The following MGST1 variants were observed in gnomAD, a reference collection of about 807,000 sequenced individuals.
MGST1 encodes the protein microsomal glutathione S-transferase 1.
Under a neutral mutation model 8.9 loss-of-function variants are expected in MGST1, and 5 were observed. The observed-to-expected ratio is 0.56, with a 90% CI of 0.29 to 1.19. The LOEUF (loss-of-function observed/expected upper bound fraction) is 1.19, where lower values mean the gene tolerates loss of function less well. Ranked by LOEUF, MGST1 falls within the 50% of genes most tolerant of loss-of-function variation. MGST1 has a pLI of 0.08. For synonymous variants in MGST1, 54 were observed against 67.8 expected, an observed-to-expected ratio of 0.80 and a Z score of 1.00; for missense variants, 182 against 187.4, an observed-to-expected ratio of 0.97 and a Z score of 0.17.
chr12:16,493,024 A>T (rs1352884673), intron 4 of MGST1, among the ~76,000 whole-genome samples: 1 of 152,182 alleles, frequency 6.6e-6, no homozygotes, highest in Admixed American at 6.5e-5. Context: ...CGAGGAATGC[A>T]CATGTGAGTA....
intron 4 of MGST1, among the ~76,000 whole-genome samples, chr12:16,451,107 C>T (rs1348964049): frequency 2.0e-5 from 3 of 151,884 alleles, no homozygotes; most frequent in Non-Finnish European, 4.4e-5. Flanking sequence ...GTATAAGTAT[C>T]ATTTCAGTTT....
intron 4 of MGST1, among the ~76,000 whole-genome samples, chr12:16,502,294 G>A (rs1740951074): frequency 6.6e-6 from 1 of 152,136 alleles, no homozygotes. Context: ...GGCTGACCTG[G>A]ATCCAAACTA....
At chr12:16,526,164 C>G (rs1391758831) in intron 4 of MGST1, among the ~76,000 whole-genome samples, 2 of 150,358 alleles carry the variant, frequency 1.3e-5, no homozygotes, top group East Asian at 2.0e-4. Flanking sequence ...TCCCATTTGT[C>G]AATTTTGTCT....
At chr12:16,508,914 T>C (rs1179405420) in intron 4 of MGST1, among the ~76,000 whole-genome samples, 1 of 152,268 alleles carries the variant, frequency 6.6e-6, no homozygotes, top group East Asian at 1.9e-4. Context: ...AAAGTATGAA[T>C]AGTAGGTGGT....
chr12:16,419,737 TTA>T (rs1269847609), intron 1 of MGST1, among the ~76,000 whole-genome samples: 1 of 152,166 alleles, frequency 6.6e-6, no homozygotes, highest in Non-Finnish European at 1.5e-5. Flanking sequence ...GCTTGGAAGG[TTA>T]TATATCTCAG....
Position 16,584,705 on chromosome 12 carries a change from T to G in MGST1, n.483-4823T>G, listed in dbSNP as rs903546399. On this transcript the variant is annotated intron_variant and non_coding_transcript_variant, in intron 4 of 4. Transcript: ENST00000538857. The surrounding 1 kb of genome is among the most constrained non-coding windows in gnomAD (Gnocchi z 5.2). ...ACATATTGCAATGGCTGCCATGAAGTTCAAGAAACAGCAAGAGATTTCTTT... is the reference window on the plus strand; with the variant it reads ...ACATATTGCAATGGCTGCCATGAAGGTCAAGAAACAGCAAGAGATTTCTTT... Among the ~76,000 whole-genome samples the G allele has an allele frequency of 6.6e-6, 1 of 152,100 alleles. No homozygotes were observed. The highest frequency in any genetic ancestry group is 1.5e-5 in the Non-Finnish European group (1 of 68,028).
At chr12:16,408,919 T>G (rs1940718081) in intron 1 of MGST1, among the ~76,000 whole-genome samples, 1 of 152,162 alleles carries the variant, frequency 6.6e-6, no homozygotes, top group Non-Finnish European at 1.5e-5. Context: ...ACCCATATAT[T>G]TACTTTTCAA....
chr12:16,395,808 C>T (rs201339874), intron 1 of MGST1, among the ~76,000 whole-genome samples: 2,887 of 110,228 alleles, frequency 0.026, 91 homozygotes, highest in African/African-American at 0.067. Context: ...TATATATACA[C>T]ACACACACAC....
At chr12:16,522,463 G>A (rs1420546670) in intron 4 of MGST1, among the ~76,000 whole-genome samples, 1 of 152,002 alleles carries the variant, frequency 6.6e-6, no homozygotes, top group Non-Finnish European at 1.5e-5. Context: ...GTACTCCAAG[G>A]TAATGTTATG....
chr12:16,557,700 C>G (rs1308936923), intron 4 of MGST1, among the ~76,000 whole-genome samples: 1 of 151,916 alleles, frequency 6.6e-6, no homozygotes, highest in Admixed American at 6.6e-5. Flanking sequence ...TTTTGAGAAC[C>G]AGTTGTGTTC....
intron 4 of MGST1, among the ~76,000 whole-genome samples, chr12:16,588,823 A>G (rs375162390): frequency 1.3e-5 from 2 of 151,956 alleles, no homozygotes; most frequent in South Asian, 2.1e-4. Flanking sequence ...CTCTTCTTCA[A>G]TCTTCTCCTC....
In MGST1 at chr12:16,513,829, A is replaced by G. The variant is rs572100443; in HGVS notation, n.483-75699A>G. On this transcript the variant is annotated intron_variant and non_coding_transcript_variant, in intron 4 of 4. Transcript: ENST00000538857. This position sits in a 1 kb window ranked among gnomAD's most constrained non-coding sequence, Gnocchi z 4.2. ...AGCTAGTTTTCTGCAAAGATTTCTT[A>G]AGTTCAGCCAAGATGTCTTTCTGCC... 51 of 607,590 alleles carry G rather than the reference A, an allele frequency of 8.4e-5. No individual in the cohort carries two copies. The highest frequency in any genetic ancestry group is 1.5e-4 in the Non-Finnish European group (48 of 313,296). The allele number at this position is 607,590 out of a possible 1,614,324, so 37.6% of individuals were successfully genotyped here.
intron 1 of MGST1, among the ~76,000 whole-genome samples, chr12:16,386,725 C>A (rs1940507206): frequency 6.6e-6 from 1 of 152,156 alleles, no homozygotes; most frequent in Non-Finnish European, 1.5e-5. Flanking sequence ...TTCCTTTCTG[C>A]AATTTCAGTT....
At chr12:16,491,553 G>A (rs1043420246) in intron 4 of MGST1, among the ~76,000 whole-genome samples, 2 of 152,100 alleles carry the variant, frequency 1.3e-5, no homozygotes, top group African/African-American at 4.8e-5. Context: ...CTTAAATAAT[G>A]AGAGGATAGG....
At chr12:16,545,335 T>C (rs1412367127) in intron 4 of MGST1, among the ~76,000 whole-genome samples, 2 of 152,064 alleles carry the variant, frequency 1.3e-5, no homozygotes, top group East Asian at 3.9e-4. Context: ...AAACATTATA[T>C]TTTATGCACC....
intron 1 of MGST1, among the ~76,000 whole-genome samples, chr12:16,429,325 G>A (rs752376486): frequency 6.6e-6 from 1 of 151,942 alleles, no homozygotes; most frequent in African/African-American, 2.4e-5. Context: ...TTATTTATTG[G>A]TGATTCTTCC....
At chr12:16,484,867 T>A (rs1941388875) in intron 4 of MGST1, among the ~76,000 whole-genome samples, 1 of 152,198 alleles carries the variant, frequency 6.6e-6, no homozygotes, top group South Asian at 2.1e-4. Flanking sequence ...ATATTTTGCA[T>A]CTTATAAATT....
chr12:16,377,900 T>C (rs979189282), downstream of MGST1, among the ~76,000 whole-genome samples: 1 of 151,368 alleles, frequency 6.6e-6, no homozygotes, highest in African/African-American at 2.4e-5. Context: ...TGGCCAGTGA[T>C]GATGAGCATT....
downstream of MGST1, chr12:16,367,355 G>C (rs535691829): frequency 3.9e-5 from 6 of 152,306 alleles, no homozygotes; most frequent in Admixed American, 3.9e-4. Flanking sequence ...CAGAAAGGCA[G>C]ATTCAGAAGA....
Sources: gnomAD v4.1 joint callset for allele counts (sites outside exome capture counted in the v4.1 genomes callset) on GRCh38, gnomAD v4.1.1 for gene constraint, Gnocchi (gnomAD v3.1) non-coding constraint, MANE v1.5 for transcripts, NCBI Gene and HGNC (gene_info 2026-07-23, HGNC 2026-07-21) for gene names.